The following ADGRL3 variants were observed in gnomAD, a reference collection of about 807,000 sequenced individuals.
ADGRL3 encodes adhesion G protein-coupled receptor L3.
A neutral mutation model predicts 153.5 loss-of-function variants in ADGRL3; 62 were observed. That is an observed-to-expected ratio of 0.40 (90% CI 0.33 to 0.50). ADGRL3 has a LOEUF of 0.50. Among genes scored for constraint, ADGRL3 ranks in the 20% least tolerant of loss-of-function variants. The pLI is 0.47. For missense variants in ADGRL3, 1,641 were observed against 1,859.4 expected (o/e 0.88, Z 2.16); for synonymous variants, 710 against 672.5 (o/e 1.06, Z -0.86).
chr4:61,406,110 G>A (rs996818580), intron 2 of ADGRL3, among the ~76,000 whole-genome samples: 3 of 151,976 alleles, frequency 2.0e-5, no homozygotes, highest in African/African-American at 4.8e-5. Flanking sequence ...GTCTGTGTAT[G>A]CATTATCTTG....
chr4:61,833,923 T>C (rs1389448685), intron 9 of ADGRL3, among the ~76,000 whole-genome samples: 1 of 151,914 alleles, frequency 6.6e-6, no homozygotes, highest in Non-Finnish European at 1.5e-5. Flanking sequence ...CAGATCCCTT[T>C]CACTGTCTCA....
At chr4:62,017,880 T>G (rs973892214) in intron 21 of ADGRL3, among the ~76,000 whole-genome samples, 2 of 152,126 alleles carry the variant, frequency 1.3e-5, no homozygotes, top group African/African-American at 2.4e-5. Flanking sequence ...TTGTTTTTTT[T>G]GTTTTTTCTT....
intron 20 of ADGRL3, 69 bp from the exon 21 acceptor site, chr4:61,998,105 A>G (rs2099128103): frequency 1.0e-5 from 7 of 694,700 alleles, no homozygotes; most frequent in Non-Finnish European, 1.7e-5. Flanking sequence ...CTCATGTGTT[A>G]TAGAGAATAA....
intron 19 of ADGRL3, among the ~76,000 whole-genome samples, chr4:61,991,882 T>C (rs2099104988): frequency 6.8e-6 from 1 of 148,112 alleles, no homozygotes; most frequent in Admixed American, 6.8e-5. Context: ...ATAAATATAA[T>C]ACATTATATT....
At chr4:61,400,619 T>C (rs1165601855) in intron 2 of ADGRL3, among the ~76,000 whole-genome samples, 1 of 151,734 alleles carries the variant, frequency 6.6e-6, no homozygotes, top group Non-Finnish European at 1.5e-5. Context: ...TGGATATTGG[T>C]GGTAGTGGAA....
intron 8 of ADGRL3, among the ~76,000 whole-genome samples, chr4:61,780,036 C>T (rs2097196693): frequency 6.6e-6 from 1 of 152,224 alleles, no homozygotes; most frequent in South Asian, 2.1e-4. Context: ...TTCTCGACTT[C>T]CTAACATTTA....
chr4:61,397,248 T>C (rs1237335302), intron 2 of ADGRL3, among the ~76,000 whole-genome samples: 1 of 151,872 alleles, frequency 6.6e-6, no homozygotes, highest in African/African-American at 2.4e-5. Context: ...TTTCACTTTT[T>C]CTCCTCACAA....
intron 5 of ADGRL3, among the ~76,000 whole-genome samples, chr4:61,636,913 A>G (rs2093446274): frequency 6.6e-6 from 1 of 152,104 alleles, no homozygotes; most frequent in African/African-American, 2.4e-5. Flanking sequence ...ATATAAAAGT[A>G]AAACGTAACA....
intron 19 of ADGRL3, among the ~76,000 whole-genome samples, chr4:61,989,490 A>G (rs1045205039): frequency 5.9e-5 from 9 of 152,048 alleles, no homozygotes; most frequent in African/African-American, 1.9e-4. Flanking sequence ...CAGGGAGTAC[A>G]TGTGTATGTT....
chr4:62,048,622 T>G (rs1732453302), intron 25 of ADGRL3, among the ~76,000 whole-genome samples: 1 of 152,068 alleles, frequency 6.6e-6, no homozygotes, highest in Non-Finnish European at 1.5e-5. Context: ...AATAGCATGA[T>G]CATAGCTCAG....
chr4:61,669,645 G>C (rs2094924721), intron 5 of ADGRL3, among the ~76,000 whole-genome samples: 1 of 152,046 alleles, frequency 6.6e-6, no homozygotes, highest in East Asian at 1.9e-4. Context: ...TCATCTGTTA[G>C]ATGCTATGAA....
At chr4:61,668,000 C>A (rs2094860286) in intron 5 of ADGRL3, among the ~76,000 whole-genome samples, 1 of 152,090 alleles carries the variant, frequency 6.6e-6, no homozygotes, top group South Asian at 2.1e-4. Flanking sequence ...ATAATGACCC[C>A]CACCCCACCC....
At chr4:61,935,063 G>A in intron 14 of ADGRL3, 40 bp downstream of exon 14, 4 of 1,561,896 alleles carry the variant, frequency 2.6e-6, no homozygotes, top group Middle Eastern at 1.7e-4. Flanking sequence ...AGACACTCTT[G>A]TATATCAGAA....
At chr4:61,372,554 C>A (rs187207041) in intron 1 of ADGRL3, among the ~76,000 whole-genome samples, 147 of 152,282 alleles carry the variant, frequency 9.7e-4, no homozygotes, top group African/African-American at 3.3e-3. Context: ...GGTCAGGGGT[C>A]AGCGATCCAC....
At chr4:62,033,431 G>A (rs941032761) in intron 23 of ADGRL3, among the ~76,000 whole-genome samples, 1 of 151,694 alleles carries the variant, frequency 6.6e-6, no homozygotes, top group African/African-American at 2.4e-5. Context: ...TAAATGGTGA[G>A]TGAGAATAGA....
intron 26 of ADGRL3, 56 bp from the exon 27 acceptor site, chr4:62,070,047 TTGTGTG>T: frequency 7.5e-7 from 1 of 1,339,686 alleles, no homozygotes; most frequent in Non-Finnish European, 1.0e-6. Flanking sequence ...GCTTCTGTGT[TTGTGTG>T]TGTGTTCTAT....
chr4:61,684,599 G>A lies in ADGRL3; in HGVS notation c.583+7664G>A, dbSNP rs76482148. On this transcript the variant is annotated intron_variant, in intron 6 of 26. Coordinates refer to ENST00000683033, the MANE Select transcript of ADGRL3 (RefSeq NM_001387552.1). ...GAGCAAAGACTGCAGGGTAGTGGTCGTGGGCCAGATTCAGCCTGCCGAGGG... is the reference window on the plus strand; with the variant it reads ...GAGCAAAGACTGCAGGGTAGTGGTCATGGGCCAGATTCAGCCTGCCGAGGG... Among the ~76,000 whole-genome samples, 527 of 152,128 alleles carry A rather than the reference G, an allele frequency of 3.5e-3. 1 individual carries two copies. The highest frequency in any genetic ancestry group is 5.7e-3 in the Non-Finnish European group (388 of 67,990).
In ADGRL3 at chr4:62,044,441, T is replaced by C. The variant is rs1305193817; in HGVS notation, c.3718-12T>C. On this transcript the variant is annotated splice_polypyrimidine_tract_variant and intron_variant, in intron 24 of 26. Transcript: ENST00000683033. ...ATGAGTTCATTTTCTTTCTGCCTTT[T>C]CCCCCACCCAGAGCCGAATCCGTAG... 31 of 1,565,844 alleles carry C rather than the reference T, an allele frequency of 2.0e-5. No individual in the cohort carries two copies. The highest frequency in any genetic ancestry group is 2.6e-5 in the Non-Finnish European group (30 of 1,151,048).
chr4:61,647,395 A>G (rs917114584), intron 5 of ADGRL3, among the ~76,000 whole-genome samples: 1 of 152,164 alleles, frequency 6.6e-6, no homozygotes, highest in Non-Finnish European at 1.5e-5. Flanking sequence ...TTATTATCTT[A>G]GAAAGACAGT....
Sources: gnomAD v4.1 joint callset for allele counts (sites outside exome capture counted in the v4.1 genomes callset) on GRCh38, gnomAD v4.1.1 for gene constraint, MANE v1.5 for transcripts, NCBI Gene and HGNC (gene_info 2026-07-23, HGNC 2026-07-21) for gene names.